PDE5A: variants seen among roughly 807,000 people sequenced by gnomAD.
PDE5A encodes cGMP-specific 3',5'-cyclic phosphodiesterase.
In PDE5A, 67 loss-of-function variants were observed where a neutral mutation model predicts 110.2. That is an observed-to-expected ratio of 0.61 (90% CI 0.50 to 0.75). The LOEUF is 0.75. Ranked by LOEUF, PDE5A falls within the 30% of genes least tolerant of loss-of-function variation. The pLI is 0.00. For synonymous variants in PDE5A, 328 were observed against 351.2 expected, an observed-to-expected ratio of 0.93 and a Z score of 0.74; for missense variants, 862 against 1,045.1, an observed-to-expected ratio of 0.82 and a Z score of 2.42.
chr4:119,515,549 G>A (rs10030660), intron 14 of PDE5A, among the ~76,000 whole-genome samples: 39,865 of 151,420 alleles, frequency 0.26, 5,360 homozygotes, highest in East Asian at 0.38. Flanking sequence ...TGGACTTATT[G>A]CCAAAACTCC....
intron 16 of PDE5A, 22 bp from the exon 17 acceptor site, chr4:119,505,954 TGTTA>T: frequency 6.9e-7 from 1 of 1,439,932 alleles, no homozygotes; most frequent in Non-Finnish European, 9.5e-7. Flanking sequence ...AAAAAAAAAT[TGTTA>T]GTTATAATGA....
intron 15 of PDE5A, among the ~76,000 whole-genome samples, chr4:119,508,717 T>C (rs1415568887): frequency 2.9e-5 from 4 of 139,740 alleles, no homozygotes; most frequent in Admixed American, 7.2e-5. Context: ...ATTCAGAAAA[T>C]ACCTTCTGAT....
At chr4:119,598,822 G>A (rs576721482) in intron 2 of PDE5A, among the ~76,000 whole-genome samples, 14 of 152,304 alleles carry the variant, frequency 9.2e-5, no homozygotes, top group African/African-American at 3.1e-4. Context: ...AAAGTATAAA[G>A]CACAGGGGCT....
chr4:119,514,623 C>T (rs1186236317), intron 14 of PDE5A, among the ~76,000 whole-genome samples: 1 of 152,060 alleles, frequency 6.6e-6, no homozygotes, highest in African/African-American at 2.4e-5. Context: ...TAATGATGGA[C>T]AGGGCTCCGC....
chr4:119,524,439 G>A (rs1285191637), intron 12 of PDE5A, among the ~76,000 whole-genome samples: 1 of 152,102 alleles, frequency 6.6e-6, no homozygotes, highest in African/African-American at 2.4e-5. Flanking sequence ...AGTATTATTA[G>A]GTAAGAGTCT....
chr4:119,522,659 C>T (rs1054053384), intron 12 of PDE5A, among the ~76,000 whole-genome samples: 2 of 151,746 alleles, frequency 1.3e-5, no homozygotes, highest in Non-Finnish European at 2.9e-5. Flanking sequence ...TAAGACGGAC[C>T]TAATAGAATT....
chr4:119,502,504 A>G, intron 19 of PDE5A, 77 bp downstream of exon 19: 7 of 805,790 alleles, frequency 8.7e-6, no homozygotes, highest in East Asian at 5.0e-5. Context: ...GAAAGATCCC[A>G]TAGAGCCATA....
intron 10 of PDE5A, among the ~76,000 whole-genome samples, chr4:119,539,889 A>C (rs1726863201): frequency 6.6e-6 from 1 of 152,126 alleles, no homozygotes; most frequent in Non-Finnish European, 1.5e-5. Context: ...TGCTCAGAGA[A>C]TTTTGGATTT....
chr4:119,576,983 C>T (rs1166972062), intron 3 of PDE5A, among the ~76,000 whole-genome samples: 2 of 152,068 alleles, frequency 1.3e-5, no homozygotes, highest in Admixed American at 6.5e-5. Flanking sequence ...CAAATAGGTG[C>T]AATAAAAAAT....
At chr4:119,504,381 T>C (rs1578723666) in intron 18 of PDE5A, among the ~76,000 whole-genome samples, 155 bp downstream of exon 18, 1 of 152,278 alleles carries the variant, frequency 6.6e-6, no homozygotes, top group African/African-American at 2.4e-5. Flanking sequence ...TTCCATGACT[T>C]TGCTATTATA....
chr4:119,519,253 TTCTCTATAG>T, intron 13 of PDE5A, 114 bp from the exon 14 acceptor site: 1 of 714,666 alleles, frequency 1.4e-6, no homozygotes, highest in South Asian at 1.7e-5. Context: ...ACATACATAC[TTCTCTATAG>T]TCACAAAGGA....
intron 3 of PDE5A, among the ~76,000 whole-genome samples, chr4:119,576,057 T>C (rs1461993849): frequency 1.3e-5 from 2 of 151,986 alleles, no homozygotes; most frequent in Admixed American, 6.6e-5. Flanking sequence ...ATAAAACAGA[T>C]TTTAAACCAA....
intron 20 of PDE5A, among the ~76,000 whole-genome samples, chr4:119,499,341 C>T (rs962742950): frequency 6.6e-6 from 1 of 151,956 alleles, no homozygotes; most frequent in South Asian, 2.1e-4. Flanking sequence ...AAAAAGAAAC[C>T]TCACAGAAAC....
At position 119,596,614 on chromosome 4, in the gene PDE5A, T is replaced by C; in HGVS notation, c.742-2A>G. On this transcript the variant is annotated splice_acceptor_variant, in intron 2 of 20. Transcript: ENST00000354960. LOFTEE classifies it high-confidence loss of function. ...AACTTCTGCATTGAACCGAGGATCC[T>C]AGTATGGAAAAAGAAATTCAATTTA... is the stretch of plus-strand genomic sequence containing the variant. 1.3e-6 allele frequency: 2 copies of C among 1,509,780 alleles called. No individual in the cohort carries two copies. Among genetic ancestry groups the C allele is most frequent in the Non-Finnish European group, 1.8e-6 (2 of 1,100,054 alleles). 93.5% of individuals were successfully genotyped at this position (1,509,780 alleles called of 1,614,324 possible).
chr4:119,531,759 C>G (rs2110478644), intron 11 of PDE5A, among the ~76,000 whole-genome samples: 1 of 151,960 alleles, frequency 6.6e-6, no homozygotes, highest in Middle Eastern at 3.4e-3. Flanking sequence ...GCAAATGTAC[C>G]AGGAACACAT....
At chr4:119,538,729 T>G in intron 11 of PDE5A, 1 of 437,410 alleles carries the variant, frequency 2.3e-6, no homozygotes, top group Non-Finnish European at 4.2e-6. Context: ...CCCAAAAAGA[T>G]GTAATGATTA....
chr4:119,563,078 C>A, intron 5 of PDE5A, 108 bp from the exon 6 acceptor site: 5 of 833,922 alleles, frequency 6.0e-6, no homozygotes, highest in South Asian at 2.3e-5. Context: ...AGGTTATGAT[C>A]AAGTCTGCAT....
chr4:119,606,690 C>T lies in PDE5A; in HGVS notation c.741+19G>A, dbSNP rs1026377102. On this transcript the variant is annotated intron_variant, in intron 2 of 20. Transcript: ENST00000354960. ...TCCCCTCCCCAGCACTGGTCCTGCT[C>T]TCATGCTCCCCTGTTTACCTCATAT... The T allele has an allele frequency of 1.3e-6, 2 of 1,593,710 alleles. No individual in the cohort carries two copies. The highest frequency in any genetic ancestry group is 8.6e-7 in the Non-Finnish European group (1 of 1,162,892).
At chr4:119,558,679 G>C (rs989266540) in intron 7 of PDE5A, among the ~76,000 whole-genome samples, 2 of 151,960 alleles carry the variant, frequency 1.3e-5, no homozygotes, top group Non-Finnish European at 2.9e-5. Flanking sequence ...AAATCTCAGA[G>C]GCCTTTTACT....
Sources: allele counts gnomAD v4.1 joint callset (sites outside exome capture counted in the v4.1 genomes callset), GRCh38; gene constraint gnomAD v4.1.1; transcripts MANE v1.5; gene names NCBI Gene and HGNC (gene_info 2026-07-23, HGNC 2026-07-21).